GLTP: variants seen among roughly 807,000 people sequenced by gnomAD.
The protein encoded by GLTP is glycolipid transfer protein.
In GLTP, 22 loss-of-function variants were observed where a neutral mutation model predicts 24.0. That is an observed-to-expected ratio of 0.92 (90% CI 0.65 to 1.31). The LOEUF is 1.31. GLTP is among the 50% of genes most tolerant of loss of function. GLTP has a pLI of 0.00. For synonymous variants in GLTP, 92 were observed against 115.9 expected (o/e 0.79, Z 1.33); for missense variants, 224 against 276.6 (o/e 0.81, Z 1.35).
Position 109,855,218 on chromosome 12 carries a change from A to G in GLTP, c.447+401T>C, listed in dbSNP as rs1256757980. 6.6e-6 allele frequency among the ~76,000 whole-genome samples: 1 copy of G among 152,152 alleles called. No individual in the cohort carries two copies. The highest frequency in any genetic ancestry group is 1.9e-4 in the East Asian group (1 of 5,184). The stretch of plus-strand genomic sequence containing the variant: ...CCCAGAGGGCCGGTGTCCTTTCAGC[A>G]GATGCTCCCAGGGGAATGGGAGCTG... On this transcript the variant is annotated intron_variant, in intron 4 of 4. Transcript: ENST00000318348. This position sits in a 1 kb window ranked among gnomAD's most constrained non-coding sequence, Gnocchi z 4.1.
intron 1 of GLTP, among the ~76,000 whole-genome samples, chr12:109,877,330 T>G (rs1034442029): frequency 6.6e-6 from 1 of 152,118 alleles, no homozygotes; most frequent in African/African-American, 2.4e-5. Context: ...ACGGGGAAAT[T>G]TTTATATATC....
intron 1 of GLTP, among the ~76,000 whole-genome samples, chr12:109,879,446 G>A (rs1488098215): frequency 1.3e-5 from 2 of 152,170 alleles, no homozygotes; most frequent in African/African-American, 2.4e-5. Context: ...AAGAGGGTCT[G>A]AAAGTGGACC....
chr12:109,870,230 C>T (rs569482473), intron 1 of GLTP, among the ~76,000 whole-genome samples: 38 of 152,280 alleles, frequency 2.5e-4, no homozygotes, highest in African/African-American at 8.9e-4. Flanking sequence ...CTTTGGGAGG[C>T]TGTAGCGGAC....
At position 109,857,704 on chromosome 12, in the gene GLTP, A is replaced by C. The variant is rs758563872; in HGVS notation, c.163-45T>G. The C allele has an allele frequency of 3.1e-6, 5 of 1,611,366 alleles. No homozygotes were observed. Among genetic ancestry groups the C allele is most frequent in the Non-Finnish European group, 4.2e-6 (5 of 1,177,686 alleles). ...ATTTCCCCTTGGGTAAGCTGCCCCC[A>C]TAGACATCTGGCCCGCACGCTGGGT... On this transcript the variant is annotated intron_variant, in intron 2 of 4. Coordinates refer to ENST00000318348, the MANE Select transcript of GLTP (RefSeq NM_016433.4). This position sits in a 1 kb window ranked among gnomAD's most constrained non-coding sequence, Gnocchi z 4.3.
intron 3 of GLTP, among the ~76,000 whole-genome samples, chr12:109,856,748 G>T (rs1892801936): frequency 6.6e-6 from 1 of 152,200 alleles, no homozygotes; most frequent in African/African-American, 2.4e-5. Context: ...CCCATAGGAT[G>T]TATTTGTGCA....
At chr12:109,872,484 T>C (rs1381664795) in intron 1 of GLTP, among the ~76,000 whole-genome samples, 1 of 152,180 alleles carries the variant, frequency 6.6e-6, no homozygotes, top group Non-Finnish European at 1.5e-5. Context: ...TTCTCCCCTC[T>C]GAGCCTCAAA....
Position 109,855,777 on chromosome 12 carries a change from C to T in GLTP, c.297-8G>A. 4 of 1,577,550 alleles carry T rather than the reference C, an allele frequency of 2.5e-6. No homozygotes were observed. Among genetic ancestry groups the T allele is most frequent in the Non-Finnish European group, 3.4e-6 (4 of 1,163,190 alleles). ...TGGATGAAGCGGAGGCCTCTGTGGC[C>T]CAGGGAGGAGAAGGTTCGTTAGGAC... On this transcript the variant is annotated splice_region_variant and splice_polypyrimidine_tract_variant and intron_variant, in intron 3 of 4. Coordinates refer to ENST00000318348, the MANE Select transcript of GLTP (RefSeq NM_016433.4). This position sits in a 1 kb window ranked among gnomAD's most constrained non-coding sequence, Gnocchi z 4.1.
chr12:109,858,645 G>T (rs745919609), intron 2 of GLTP, 38 bp downstream of exon 2: 2 of 1,528,978 alleles, frequency 1.3e-6, no homozygotes. Flanking sequence ...GATTCCTAAC[G>T]CAAGTCTTGG....
chr12:109,857,442 T>G lies in GLTP; in HGVS notation c.296+84A>C. The G allele has an allele frequency of 2.7e-6, 4 of 1,481,082 alleles. No individual in the cohort carries two copies. Among genetic ancestry groups the G allele is most frequent in the Non-Finnish European group, 3.7e-6 (4 of 1,077,446 alleles). 91.7% of individuals were successfully genotyped at this position (1,481,082 alleles called of 1,614,324 possible). On this transcript the variant is annotated intron_variant, in intron 3 of 4. Transcript: ENST00000318348. This position sits in a 1 kb window ranked among gnomAD's most constrained non-coding sequence, Gnocchi z 4.3. ...GGGCTCGGAAGTGACCTTCCCAGCCTGAGCTGACACTGCGGAACAGTGACA... is the reference window on the plus strand; with the variant it reads ...GGGCTCGGAAGTGACCTTCCCAGCCGGAGCTGACACTGCGGAACAGTGACA...
chr12:109,857,852 T>C lies in GLTP; in HGVS notation c.163-193A>G, dbSNP rs1368781625. On this transcript the variant is annotated intron_variant, in intron 2 of 4. Transcript: ENST00000318348. This position sits in a 1 kb window ranked among gnomAD's most constrained non-coding sequence, Gnocchi z 4.3. The stretch of plus-strand genomic sequence containing the variant: ...GATTTGCAAAATGCTTTACAGGCAC[T>C]ACCTTATATGATCCTGGTGGCAAAC... 6.6e-6 allele frequency: 4 copies of C among 609,640 alleles called. No homozygotes were observed. The East Asian group carries it at 1.1e-4, about 17-fold the overall frequency. The allele number at this position is 609,640 out of a possible 1,614,324, so 37.8% of individuals were successfully genotyped here. A position where few individuals can be genotyped will look rare whatever the true frequency, so the allele number is the denominator to read the frequency against.
At chr12:109,873,251 C>T (rs1203364339) in intron 1 of GLTP, among the ~76,000 whole-genome samples, 1 of 151,504 alleles carries the variant, frequency 6.6e-6, no homozygotes, top group Non-Finnish European at 1.5e-5. Context: ...TCAGAGGATG[C>T]TTGTTGCAGT....
At chr12:109,858,840 G>C (rs1892836568) in intron 1 of GLTP, 99 bp from the exon 2 acceptor site, 1 of 817,846 alleles carries the variant, frequency 1.2e-6, no homozygotes, top group Admixed American at 1.7e-5. Flanking sequence ...ATTACATGGT[G>C]TGTCCCGGGG....
chr12:109,869,884 C>T (rs1868666608), intron 1 of GLTP, among the ~76,000 whole-genome samples: 1 of 152,042 alleles, frequency 6.6e-6, no homozygotes, highest in Admixed American at 6.6e-5. Context: ...ATTCTCCTGC[C>T]TCAGCCTCCT....
intron 1 of GLTP, among the ~76,000 whole-genome samples, chr12:109,877,887 C>T (rs908474257): frequency 2.6e-5 from 4 of 152,208 alleles, no homozygotes; most frequent in Admixed American, 1.3e-4. Context: ...TCTCCTCCCC[C>T]CACAGAAGAG....
chr12:109,864,331 G>A (rs936585837), intron 1 of GLTP, among the ~76,000 whole-genome samples: 7 of 152,180 alleles, frequency 4.6e-5, no homozygotes, highest in Admixed American at 1.3e-4. Context: ...ATCTGGAGGT[G>A]GGCTGCCTGC....
chr12:109,852,795 C>A, intron 4 of GLTP, 58 bp from the exon 5 acceptor site: 1 of 1,126,404 alleles, frequency 8.9e-7, no homozygotes, highest in Non-Finnish European at 1.3e-6. Context: ...AGGAGCCAGG[C>A]CAGCAGGCCA....
At chr12:109,866,162 A>C (rs1328504893) in intron 1 of GLTP, 4 of 151,824 alleles carry the variant, frequency 2.6e-5, no homozygotes, top group Non-Finnish European at 5.9e-5. Flanking sequence ...AAAGATGCTT[A>C]ATCTCAATAA....
At chr12:109,863,626 C>T (rs1306405735) in intron 1 of GLTP, among the ~76,000 whole-genome samples, 2 of 152,208 alleles carry the variant, frequency 1.3e-5, no homozygotes, top group Admixed American at 1.3e-4. Context: ...CCTATCCAAC[C>T]CAGATGACAG....
chr12:109,863,739 C>T (rs1047089879), intron 1 of GLTP, among the ~76,000 whole-genome samples: 1 of 152,202 alleles, frequency 6.6e-6, no homozygotes, highest in African/African-American at 2.4e-5. Flanking sequence ...AGGTGTCACA[C>T]GTGCAAAGTG....
Sources: allele counts gnomAD v4.1 joint callset (sites outside exome capture counted in the v4.1 genomes callset), GRCh38; gene constraint gnomAD v4.1.1; non-coding constraint Gnocchi (gnomAD v3.1); transcripts MANE v1.5; gene names NCBI Gene and HGNC (gene_info 2026-07-23, HGNC 2026-07-21).